Variants in COL9A3 observed in about 807,000 individuals in gnomAD.
COL9A3 encodes the protein collagen type IX alpha 3 chain.
COL9A3 carries 82 observed loss-of-function variants against 110.2 expected under a neutral mutation model. That is an observed-to-expected ratio of 0.74 (90% confidence interval 0.62 to 0.89). The LOEUF (loss-of-function observed/expected upper bound fraction) is 0.89. COL9A3 is among the 40% of genes least tolerant of loss of function. The pLI is 0.00. For missense variants in COL9A3, 1,066 were observed against 981.3 expected (o/e 1.09, Z -1.15); for synonymous variants, 494 against 403.8 (o/e 1.22, Z -2.68).
In COL9A3 at chr20:62,830,219, C is replaced by T. The variant is rs546998452; in HGVS notation, c.1162-141C>T. ...CCCTGGGAGGTAGCCCTGCCTTTGTCCCCAGCAACCCAGCCAGGTGGCTTA... is the reference window on the plus strand; with the variant it reads ...CCCTGGGAGGTAGCCCTGCCTTTGTTCCCAGCAACCCAGCCAGGTGGCTTA... On this transcript the variant is annotated intron_variant, in intron 22 of 31. Coordinates refer to ENST00000649368, the MANE Select transcript of COL9A3 (RefSeq NM_001853.4). The T allele has an allele frequency of 1.4e-5, 14 of 1,004,806 alleles. No homozygotes were observed. The African/African-American group carries it at 1.4e-4, about 10-fold the overall frequency. The allele number at this position is 1,004,806 out of a possible 1,614,324, so 62.2% of individuals were successfully genotyped here.
intron 11 of COL9A3, 62 bp from the exon 12 acceptor site, chr20:62,824,906 T>C: frequency 6.6e-7 from 1 of 1,518,022 alleles, no homozygotes; most frequent in Non-Finnish European, 9.0e-7. Flanking sequence ...CTCACTTCAG[T>C]GTTGCCAGGG....
chr20:62,826,933 G>A lies in COL9A3; in HGVS notation c.792+113G>A, dbSNP rs928727498. On this transcript the variant is annotated intron_variant, in intron 15 of 31. Coordinates refer to ENST00000649368, the MANE Select transcript of COL9A3 (RefSeq NM_001853.4). Reference sequence around the variant, plus strand: ...GGGGCCCCTCTTCTGTGGCTGAGCTGTTCCCTGGACACCCTGGGAGGGCTT... The same window carrying A: ...GGGGCCCCTCTTCTGTGGCTGAGCTATTCCCTGGACACCCTGGGAGGGCTT... 13 of 1,215,678 alleles carry A rather than the reference G, an allele frequency of 1.1e-5. No homozygotes were observed. The East Asian group carries it at 2.5e-4, about 24-fold the overall frequency. The allele number at this position is 1,215,678 out of a possible 1,614,324, so 75.3% of individuals were successfully genotyped here.
chr20:62,824,777 G>T (rs904063760), intron 11 of COL9A3, among the ~76,000 whole-genome samples, 191 bp from the exon 12 acceptor site: 3 of 152,184 alleles, frequency 2.0e-5, no homozygotes, highest in African/African-American at 7.2e-5. Flanking sequence ...GCTCCTGACC[G>T]CAGAGCGCCC....
In COL9A3 at chr20:62,822,100, C is replaced by A; in HGVS notation, c.424-11C>A. On this transcript the variant is annotated splice_polypyrimidine_tract_variant and intron_variant, in intron 8 of 31. Transcript: ENST00000649368. ...TGGTCCCACTCTGTCTAAGTCATAC[C>A]CCCTCCCCAGGGACCTTCTGGACTC... is the stretch of plus-strand genomic sequence containing the variant. 4.6e-6 allele frequency: 7 copies of A among 1,521,552 alleles called. No homozygotes were observed. Among genetic ancestry groups the A allele is most frequent in the Non-Finnish European group, 6.4e-6 (7 of 1,096,330 alleles). The allele number at this position is 1,521,552 out of a possible 1,614,324, so 94.3% of individuals were successfully genotyped here.
chr20:62,834,094 G>A lies in COL9A3; in HGVS notation c.1368+1030G>A, dbSNP rs912648040. ...TCACCATGCTGGCCAGGCTGGTCTCGAATTCCCGACCTCAGGCAATCTGCC... is the reference window on the plus strand; with the variant it reads ...TCACCATGCTGGCCAGGCTGGTCTCAAATTCCCGACCTCAGGCAATCTGCC... On this transcript the variant is annotated intron_variant, in intron 26 of 31. Transcript: ENST00000649368. Among the ~76,000 whole-genome samples, 7 of 151,800 alleles carry A rather than the reference G, an allele frequency of 4.6e-5. No homozygotes were observed. The South Asian group carries it at 8.3e-4, about 18-fold the overall frequency.
At chr20:62,829,031 G>C in intron 19 of COL9A3, 55 bp downstream of exon 19, 1 of 1,542,930 alleles carries the variant, frequency 6.5e-7, no homozygotes, top group Non-Finnish European at 8.7e-7. Flanking sequence ...TGCCTGCTCA[G>C]TGGCCCATGT....
chr20:62,818,806 G>T (rs572385789), intron 3 of COL9A3, among the ~76,000 whole-genome samples: 3 of 152,000 alleles, frequency 2.0e-5, no homozygotes, highest in Non-Finnish European at 4.4e-5. Context: ...GGCCGGGACC[G>T]GGGCTGGTAC....
rs371562453 is a variant in COL9A3 at position 62,827,274 on chromosome 20, C to T, written c.826C>T (p.Arg276Cys). The T allele has an allele frequency of 3.2e-5, 52 of 1,613,084 alleles. No homozygotes were observed. The highest frequency in any genetic ancestry group is 5.5e-5 in the South Asian group (5 of 91,086). The stretch of plus-strand genomic sequence containing the variant: ...AGGCGAGAGGGGCCCAGAAGGGTTC[C>T]GCGGCCCCAAGGGTGACCTCGTAAG... ...DRGERGPEGF[R>C]GPKGDLGRPG... The change falls in exon 16 of 32, where the codon CGC becomes TGC. Residue 276 changes from arginine to cysteine, a missense_variant. Coordinates refer to ENST00000649368, the MANE Select transcript of COL9A3 (RefSeq NM_001853.4).
Position 62,830,550 on chromosome 20 carries a change from C to T in COL9A3, c.1249C>T (p.Pro417Ser). Residue 417 changes from proline to serine, a missense_variant, in exon 24 of 32, where the codon CCA becomes TCA. Pro to Ser is a moderately conservative substitution (Grantham distance 74, BLOSUM62 -1). Coordinates refer to ENST00000649368, the MANE Select transcript of COL9A3 (RefSeq NM_001853.4). ...QKGSMGDPGL[P>S]GPQGLRGDVG... ...GGGCAGCATGGGAGACCCCGGCCTT[C>T]CAGGCCCCCAGGGCCTCCGAGGTGA... The T allele has an allele frequency of 6.2e-6, 10 of 1,607,644 alleles. No individual in the cohort carries two copies. The highest frequency in any genetic ancestry group is 8.5e-6 in the Non-Finnish European group (10 of 1,178,092).
chr20:62,839,920 C>CCTAGCT (rs1425300733), intron 31 of COL9A3, among the ~76,000 whole-genome samples: 1 of 152,208 alleles, frequency 6.6e-6, no homozygotes, highest in African/African-American at 2.4e-5. Flanking sequence ...CCTTTGCTGA[C>CCTAGCT]CTAGCTCTGC....
chr20:62,826,274 C>A lies in COL9A3; in HGVS notation c.738+17C>A. The A allele has an allele frequency of 6.5e-7, 1 of 1,547,080 alleles. No individual in the cohort carries two copies. Among genetic ancestry groups the A allele is most frequent in the Non-Finnish European group, 8.7e-7 (1 of 1,146,752 alleles). ...GGGGACCGGGTAAGTCCTGCAGCCCCTAGTGGGGGCCGGCCAGGTGGCTGG... is the reference window on the plus strand; with the variant it reads ...GGGGACCGGGTAAGTCCTGCAGCCCATAGTGGGGGCCGGCCAGGTGGCTGG... On this transcript the variant is annotated intron_variant, in intron 14 of 31. Coordinates refer to ENST00000649368, the MANE Select transcript of COL9A3 (RefSeq NM_001853.4).
At chr20:62,838,848 ATGGG>A in intron 31 of COL9A3, 87 bp downstream of exon 31, 1 of 1,071,656 alleles carries the variant, frequency 9.3e-7, no homozygotes, top group Middle Eastern at 2.8e-4. Flanking sequence ...TGGGTTATGA[ATGGG>A]TCTCTTTTCC....
intron 24 of COL9A3, 90 bp from the exon 25 acceptor site, chr20:62,832,064 G>A: frequency 1.6e-6 from 2 of 1,225,982 alleles, no homozygotes; most frequent in South Asian, 1.2e-5. Context: ...TGGAGATGTG[G>A]GGAGGTGTTT....
Position 62,826,515 on chromosome 20 carries a change from G to A in COL9A3, c.739-252G>A, listed in dbSNP as rs6090128. Among the ~76,000 whole-genome samples, 1,652 of 152,344 alleles carry A rather than the reference G, an allele frequency of 0.011. 23 individuals are homozygous for A. Among genetic ancestry groups the A allele is most frequent in the African/African-American group, 0.038 (1,580 of 41,566 alleles). On this transcript the variant is annotated intron_variant, in intron 14 of 31. Coordinates refer to ENST00000649368, the MANE Select transcript of COL9A3 (RefSeq NM_001853.4). ...GAGGGCTATTCACGCGTGTGCCCGG[G>A]CGAGGGCTGATGAACTCTGCTCGCT...
In COL9A3 at chr20:62,828,114, C is replaced by G. The variant is rs748646267; in HGVS notation, c.900+138C>G. 18 of 842,676 alleles carry G rather than the reference C, an allele frequency of 2.1e-5. No individual in the cohort carries two copies. In the African/African-American group the frequency reaches 2.7e-4, roughly 12 times the overall value. 52.2% of individuals were successfully genotyped at this position (842,676 alleles called of 1,614,324 possible). On this transcript the variant is annotated intron_variant, in intron 17 of 31. Coordinates refer to ENST00000649368, the MANE Select transcript of COL9A3 (RefSeq NM_001853.4). The stretch of plus-strand genomic sequence containing the variant: ...GAAATCTGGGTTAACGGTGGAACAG[C>G]CCCGCAGCCCCACACATTTCTCTCT...
At chr20:62,828,335 C>T (rs1475974720) in intron 17 of COL9A3, among the ~76,000 whole-genome samples, 1 of 152,220 alleles carries the variant, frequency 6.6e-6, no homozygotes, top group Non-Finnish European at 1.5e-5. Context: ...CCCTTCTAGC[C>T]CCTCGTGTTG....
intron 5 of COL9A3, 107 bp from the exon 6 acceptor site, chr20:62,821,074 C>T: frequency 8.4e-7 from 1 of 1,186,554 alleles, no homozygotes; most frequent in Non-Finnish European, 1.2e-6. Flanking sequence ...GGGACTTGGA[C>T]CCTGTTGTCC....
intron 29 of COL9A3, 176 bp from the exon 30 acceptor site, chr20:62,836,907 G>A: frequency 3.4e-6 from 3 of 885,770 alleles, no homozygotes; most frequent in Admixed American, 1.8e-5. Context: ...CCAAGGGGTT[G>A]GGGGTCCTTT....
In COL9A3 at chr20:62,830,399, G is replaced by T; in HGVS notation, c.1201G>T (p.Val401Phe). Residue 401 changes from valine to phenylalanine, a missense_variant, in exon 23 of 32, where the codon GTC becomes TTC. By Grantham distance (50) the Val-to-Phe change is conservative. Transcript: ENST00000649368. ...ACAAGGCCCTCCCGGAGCCCCTGGTGTCCGAGGCTTCCAGGTGGGTGAGGT... is the reference window on the plus strand; with the variant it reads ...ACAAGGCCCTCCCGGAGCCCCTGGTTTCCGAGGCTTCCAGGTGGGTGAGGT... Reference protein sequence around the residue: ...GPQGPPGAPGVRGFQGQKGSM... With the variant: ...GPQGPPGAPGFRGFQGQKGSM... The T allele has an allele frequency of 5.7e-6, 9 of 1,571,152 alleles. No individual in the cohort carries two copies. Among genetic ancestry groups the T allele is most frequent in the Non-Finnish European group, 7.8e-6 (9 of 1,158,040 alleles).
Sources: gnomAD v4.1 joint callset for allele counts (sites outside exome capture counted in the v4.1 genomes callset) on GRCh38, gnomAD v4.1.1 for gene constraint, MANE v1.5 for transcripts, NCBI Gene and HGNC (gene_info 2026-07-23, HGNC 2026-07-21) for gene names.